The following SYT15B variants were observed in gnomAD, a reference collection of about 807,000 sequenced individuals.
The protein encoded by SYT15B is synaptotagmin-15.
At chr10:47,759,787 CCAGCAGCCGCT>C in the SYT15B span, 1 of 1,418,094 alleles carries the variant, frequency 7.1e-7, no homozygotes, top group South Asian at 1.2e-5. Flanking sequence ...ATCAAGCCCA[CCAGCAGCCGCT>C]CAGCCTCCTG....
the SYT15B span, among the ~76,000 whole-genome samples, chr10:47,755,555 C>CT: frequency 0.37 from 30,939 of 83,218 alleles, 5,098 homozygotes; most frequent in Non-Finnish European, 0.45. Context: ...GTGCCCGGCC[C>CT]TTTTTTTTTT....
At chr10:47,754,960 TTTC>T in the SYT15B span, among the ~76,000 whole-genome samples, 2 of 19,674 alleles carry the variant, frequency 1.0e-4, no homozygotes, top group Admixed American at 2.8e-3. Flanking sequence ...TTTCTTTTCT[TTTC>T]TTTTTTTTTT....
At chr10:47,751,140 C>A in the SYT15B span, 1 of 151,896 alleles carries the variant, frequency 6.6e-6, no homozygotes, top group Non-Finnish European at 1.5e-5. Flanking sequence ...ACACCCACCA[C>A]CCCTGAGATT....
At chr10:47,749,295 A>G in the SYT15B span, among the ~76,000 whole-genome samples, 4 of 143,254 alleles carry the variant, frequency 2.8e-5, no homozygotes, top group East Asian at 6.3e-4. Context: ...GCAGATGTGC[A>G]TACACAAAAA....
chr10:47,744,952 G>A, the SYT15B span, among the ~76,000 whole-genome samples: 1 of 151,896 alleles, frequency 6.6e-6, no homozygotes, highest in Non-Finnish European at 1.5e-5. Flanking sequence ...CCATGTAGGA[G>A]TCTAAACTTT....
At chr10:47,750,427 AATTTT>A in the SYT15B span, among the ~76,000 whole-genome samples, 1 of 116,048 alleles carries the variant, frequency 8.6e-6, no homozygotes, top group African/African-American at 3.2e-5. Context: ...AATTGATCTA[AATTTT>A]ATTTATTTAT....
the SYT15B span, among the ~76,000 whole-genome samples, chr10:47,747,311 A>G: frequency 8.6e-5 from 13 of 151,808 alleles, no homozygotes; most frequent in African/African-American, 3.1e-4. Flanking sequence ...CAGAAAAGGA[A>G]CACTTTCCCC....
At chr10:47,748,061 T>C in the SYT15B span, among the ~76,000 whole-genome samples, 1 of 152,252 alleles carries the variant, frequency 6.6e-6, no homozygotes, top group East Asian at 1.9e-4. Context: ...CTAACACATA[T>C]GTAACTGGAG....
At chr10:47,754,971 T>C in the SYT15B span, among the ~76,000 whole-genome samples, 15 of 124,918 alleles carry the variant, frequency 1.2e-4, no homozygotes. Flanking sequence ...TTCTTTTTTT[T>C]TTTTTTGACA....
At chr10:47,756,636 T>A in the SYT15B span, among the ~76,000 whole-genome samples, 1 of 152,270 alleles carries the variant, frequency 6.6e-6, no homozygotes. Context: ...GGATCCTGCC[T>A]GGCTTACGGT....
chr10:47,756,688 C>A, the SYT15B span, among the ~76,000 whole-genome samples: 1 of 152,310 alleles, frequency 6.6e-6, no homozygotes, highest in South Asian at 2.1e-4. Flanking sequence ...ACCACCACCA[C>A]CTCACTGGGA....
At chr10:47,762,979 G>C in the SYT15B span, 1 of 1,279,200 alleles carries the variant, frequency 7.8e-7, no homozygotes, top group Admixed American at 3.7e-5. Flanking sequence ...GCTTGGGGCA[G>C]GGTGCGGTGA....
At chr10:47,746,907 T>C in the SYT15B span, among the ~76,000 whole-genome samples, 6 of 118,586 alleles carry the variant, frequency 5.1e-5, no homozygotes, top group Admixed American at 9.1e-5. Context: ...AATCACTCTC[T>C]GCTGAGAATC....
the SYT15B span, among the ~76,000 whole-genome samples, chr10:47,761,102 GCACA>G: frequency 5.5e-3 from 795 of 145,502 alleles, 6 homozygotes; most frequent in South Asian, 0.012. Context: ...ACACACACAC[GCACA>G]CACACACACA....
chr10:47,762,473 GAGCGGGCCTC>G, the SYT15B span, among the ~76,000 whole-genome samples: 1 of 135,472 alleles, frequency 7.4e-6, no homozygotes, highest in Non-Finnish European at 1.6e-5. Context: ...TGACCGCGAA[GAGCGGGCCTC>G]AGCGTCTACT....
chr10:47,749,332 A>G, the SYT15B span, among the ~76,000 whole-genome samples: 3 of 150,524 alleles, frequency 2.0e-5, no homozygotes, highest in Non-Finnish European at 4.4e-5. Context: ...TTCAGGTAGA[A>G]GAAAACTGAT....
the SYT15B span, among the ~76,000 whole-genome samples, chr10:47,756,697 G>C: frequency 6.6e-6 from 1 of 152,308 alleles, no homozygotes; most frequent in Non-Finnish European, 1.5e-5. Context: ...ACCTCACTGG[G>C]ATGGGTGGGA....
chr10:47,761,023 G>A, the SYT15B span: 508 of 899,774 alleles, frequency 5.6e-4, 2 homozygotes, highest in Middle Eastern at 3.5e-3. Context: ...GGGGCTGGAG[G>A]AAGAAAAGCC....
the SYT15B span, among the ~76,000 whole-genome samples, chr10:47,745,771 C>T: frequency 7.3e-6 from 1 of 136,766 alleles, no homozygotes; most frequent in Non-Finnish European, 1.6e-5. Context: ...TTCACCCCTC[C>T]CTGTGGCTGT....
Sources: gnomAD v4.1 joint callset for allele counts (sites outside exome capture counted in the v4.1 genomes callset) on GRCh38, gnomAD v4.1.1 for gene constraint, MANE v1.5 for transcripts, NCBI Gene and HGNC (gene_info 2026-07-23, HGNC 2026-07-21) for gene names.